SORCS3: variants seen among roughly 807,000 people sequenced by gnomAD.
The protein encoded by SORCS3 is VPS10 domain-containing receptor SorCS3.
SORCS3 carries 57 observed loss-of-function variants against 146.3 expected under a neutral mutation model. The ratio of observed to expected loss-of-function variants is 0.39; its 90% CI spans 0.31 to 0.49. The LOEUF is 0.49. Among genes scored for constraint, SORCS3 ranks in the 20% least tolerant of loss-of-function variants. The pLI is 0.92. For synonymous variants in SORCS3, 653 were observed against 618.5 expected (o/e 1.06, Z -0.83); for missense variants, 1,341 against 1,575.5 (o/e 0.85, Z 2.52).
chr10:104,754,291 G>A (rs994924985), intron 1 of SORCS3, among the ~76,000 whole-genome samples: 13 of 152,132 alleles, frequency 8.5e-5, no homozygotes, highest in Admixed American at 4.6e-4. Context: ...AAAATCATCC[G>A]GGGCCCCTGT....
chr10:105,059,474 AT>A (rs1273765891), intron 5 of SORCS3, among the ~76,000 whole-genome samples: 8 of 149,556 alleles, frequency 5.3e-5, no homozygotes, highest in African/African-American at 2.1e-4. Flanking sequence ...GATTTTATCT[AT>A]GCCTGTTTAG....
At chr10:105,185,837 A>G (rs2056472166) in intron 14 of SORCS3, among the ~76,000 whole-genome samples, 1 of 152,202 alleles carries the variant, frequency 6.6e-6, no homozygotes, top group South Asian at 2.1e-4. Context: ...GCACTTATGT[A>G]TTCATAGAAA....
chr10:105,187,612 G>A (rs2056487024), intron 14 of SORCS3, among the ~76,000 whole-genome samples: 1 of 152,140 alleles, frequency 6.6e-6, no homozygotes, highest in Non-Finnish European at 1.5e-5. Context: ...GAAAGGAGGA[G>A]GGCTTTTGGA....
intron 7 of SORCS3, among the ~76,000 whole-genome samples, chr10:105,115,825 T>C (rs947811553): frequency 2.6e-5 from 4 of 152,186 alleles, no homozygotes; most frequent in Admixed American, 6.6e-5. Flanking sequence ...TGGAGATGTT[T>C]TAAATGATGT....
intron 1 of SORCS3, among the ~76,000 whole-genome samples, chr10:104,680,484 C>A (rs1039180490): frequency 2.0e-5 from 3 of 152,210 alleles, no homozygotes; most frequent in African/African-American, 7.2e-5. Flanking sequence ...GGCTGTCCCC[C>A]GTGTGGACTC....
chr10:104,771,355 A>G (rs2017247625), intron 1 of SORCS3, among the ~76,000 whole-genome samples: 2 of 152,202 alleles, frequency 1.3e-5, no homozygotes, highest in African/African-American at 4.8e-5. Context: ...AGCAGTGCTG[A>G]TGTGAGAAAG....
intron 2 of SORCS3, among the ~76,000 whole-genome samples, chr10:104,871,361 A>G (rs2018517138): frequency 6.6e-6 from 1 of 152,212 alleles, no homozygotes; most frequent in Non-Finnish European, 1.5e-5. Context: ...AAACTAAACT[A>G]GGAGTGCAAA....
chr10:105,008,467 G>T (rs2055111077), intron 4 of SORCS3, among the ~76,000 whole-genome samples: 1 of 152,158 alleles, frequency 6.6e-6, no homozygotes, highest in South Asian at 2.1e-4. Context: ...TTCTGATGTG[G>T]CTTTAAGCTG....
chr10:104,869,135 G>C (rs904953016), intron 2 of SORCS3, among the ~76,000 whole-genome samples: 47 of 151,926 alleles, frequency 3.1e-4, no homozygotes, highest in African/African-American at 1.1e-3. Flanking sequence ...TGATGGATAT[G>C]TGTGTATGTG....
rs77080965 is a variant in SORCS3 at position 104,662,396 on chromosome 10, A to G, written c.627+20442A>G. Among the ~76,000 whole-genome samples the G allele has an allele frequency of 9.2e-3, 1,397 of 152,364 alleles. 19 individuals are homozygous for G. Among genetic ancestry groups the G allele is most frequent in the African/African-American group, 0.028 (1,174 of 41,586 alleles). ...ATGGTGACTCGATGAAGTTTCTACTATTATGAGCCACATTGTAAAGATGAG... is the reference window on the plus strand; with the variant it reads ...ATGGTGACTCGATGAAGTTTCTACTGTTATGAGCCACATTGTAAAGATGAG... On this transcript the variant is annotated intron_variant, in intron 1 of 26. Coordinates refer to ENST00000369701, the MANE Select transcript of SORCS3 (RefSeq NM_014978.3).
At chr10:104,853,234 G>A (rs1244638220) in intron 2 of SORCS3, among the ~76,000 whole-genome samples, 1 of 152,218 alleles carries the variant, frequency 6.6e-6, no homozygotes, top group African/African-American at 2.4e-5. Context: ...AGGAGGTGGA[G>A]GTTGCAGTGA....
intron 1 of SORCS3, among the ~76,000 whole-genome samples, chr10:104,678,526 G>C (rs1358556728): frequency 6.6e-6 from 1 of 152,140 alleles, no homozygotes; most frequent in African/African-American, 2.4e-5. Context: ...AGTTAGACTG[G>C]ATGTGTCCAC....
At chr10:104,769,976 C>T (rs1165760414) in intron 1 of SORCS3, among the ~76,000 whole-genome samples, 1 of 152,082 alleles carries the variant, frequency 6.6e-6, no homozygotes, top group African/African-American at 2.4e-5. Flanking sequence ...AACAGGCTCC[C>T]TATGAGGTCA....
chr10:105,065,766 T>C (rs2133721961), intron 5 of SORCS3, among the ~76,000 whole-genome samples: 1 of 152,238 alleles, frequency 6.6e-6, no homozygotes, highest in Admixed American at 6.5e-5. Context: ...AGACCTAACT[T>C]GGAGCATTTG....
intron 2 of SORCS3, among the ~76,000 whole-genome samples, chr10:104,908,063 C>T (rs1362371215): frequency 3.3e-5 from 5 of 152,190 alleles, no homozygotes; most frequent in East Asian, 3.9e-4. Context: ...GAACTCCTGA[C>T]GCTGACCTTG....
At chr10:104,768,351 T>C (rs2017206053) in intron 1 of SORCS3, among the ~76,000 whole-genome samples, 2 of 152,276 alleles carry the variant, frequency 1.3e-5, no homozygotes, top group African/African-American at 2.4e-5. Flanking sequence ...AATTCAGTAT[T>C]AAGGAGGTGA....
chr10:105,102,464 T>C (rs577128879), intron 6 of SORCS3, among the ~76,000 whole-genome samples: 5 of 152,216 alleles, frequency 3.3e-5, no homozygotes, highest in African/African-American at 1.2e-4. Context: ...CATTTATAAG[T>C]GGGAGCTAAA....
At position 104,641,547 on chromosome 10, in the gene SORCS3, T is replaced by A. The variant is rs1310212743; in HGVS notation, c.220T>A (p.Ser74Thr). ...CAGCCAGTGGCCGGAGGAGCTGGCG[T>A]CGGCGCGGAGAGCCGCCGTGCTGGG... ...VASQWPEELA[S>T]ARRAAVLGRR... Residue 74 changes from serine to threonine, a missense_variant, in exon 1 of 27, where the codon TCG becomes ACG. By Grantham distance (58) the Ser-to-Thr change is moderately conservative (BLOSUM62 1). Transcript: ENST00000369701. The surrounding 1 kb of genome is among the most constrained non-coding windows in gnomAD (Gnocchi z 6.4). 2.7e-6 allele frequency: 4 copies of A among 1,469,970 alleles called. No individual in the cohort carries two copies. In the East Asian group the frequency reaches 1.2e-4, roughly 43 times the overall value. 91.1% of individuals were successfully genotyped at this position (1,469,970 alleles called of 1,614,324 possible).
At chr10:105,068,400 C>G (rs536211966) in intron 5 of SORCS3, among the ~76,000 whole-genome samples, 3 of 152,286 alleles carry the variant, frequency 2.0e-5, no homozygotes, top group Admixed American at 6.5e-5. Context: ...CAAACCCCTT[C>G]CCTAGATGCA....
Sources: allele counts gnomAD v4.1 joint callset (sites outside exome capture counted in the v4.1 genomes callset), GRCh38; gene constraint gnomAD v4.1.1; non-coding constraint Gnocchi (gnomAD v3.1); transcripts MANE v1.5; gene names NCBI Gene and HGNC (gene_info 2026-07-23, HGNC 2026-07-21).